The following KALRN variants were observed in gnomAD, a reference collection of about 807,000 sequenced individuals.
KALRN encodes the protein kalirin.
Under a neutral mutation model 353.7 loss-of-function variants are expected in KALRN, and 70 were observed. That is an observed-to-expected ratio of 0.20 (90% CI 0.16 to 0.24). KALRN has a LOEUF of 0.24. Among genes scored for constraint, KALRN ranks in the 10% least tolerant of loss-of-function variants. The pLI, the probability that KALRN is intolerant of heterozygous loss-of-function variation, is 1.00. For missense variants in KALRN, 2,791 were observed against 3,756.7 expected, an observed-to-expected ratio of 0.74 and a Z score of 6.72; for synonymous variants, 1,391 against 1,434.8, an observed-to-expected ratio of 0.97 and a Z score of 0.69.
intron 6 of KALRN, among the ~76,000 whole-genome samples, chr3:124,312,009 A>C (rs562098119): frequency 1.1e-4 from 17 of 152,354 alleles, no homozygotes; most frequent in African/African-American, 3.6e-4. Flanking sequence ...GAAGGGGTAT[A>C]AGAGAGTTAT....
chr3:124,329,488 C>T (rs58872187), intron 7 of KALRN, among the ~76,000 whole-genome samples: 3,249 of 152,314 alleles, frequency 0.021, 95 homozygotes, highest in African/African-American at 0.073. Context: ...CAGCCCCTCA[C>T]GTGTGCCTGT....
intron 1 of KALRN, among the ~76,000 whole-genome samples, chr3:124,149,380 C>T (rs935095953): frequency 6.6e-6 from 1 of 152,144 alleles, no homozygotes; most frequent in African/African-American, 2.4e-5. Flanking sequence ...CTCCCTGTAC[C>T]CCCCAGTGCC....
chr3:124,683,410 A>G (rs16835861), intron 51 of KALRN, among the ~76,000 whole-genome samples: 12,009 of 152,190 alleles, frequency 0.079, 969 homozygotes, highest in African/African-American at 0.2. Context: ...GAACTGTGTC[A>G]ATGCTCACTT....
intron 10 of KALRN, among the ~76,000 whole-genome samples, chr3:124,367,581 G>T (rs1475632031): frequency 1.8e-5 from 1 of 54,714 alleles, no homozygotes. Context: ...TCCCAGTAGG[G>T]GTGGCCAGGC....
In KALRN at chr3:124,696,906, T is replaced by C. The variant is rs544098027; in HGVS notation, c.7699+651T>C. Among the ~76,000 whole-genome samples, 3 of 152,268 alleles carry C rather than the reference T, an allele frequency of 2.0e-5. No individual in the cohort carries two copies. The East Asian group carries it at 5.8e-4, about 29-fold the overall frequency. ...ACCACTGCTCTACTTTCTGTCTCTA[T>C]CAATTTGTGTTACTCAAACTTTATT... On this transcript the variant is annotated intron_variant, in intron 54 of 59. Transcript: ENST00000682506.
intron 1 of KALRN, among the ~76,000 whole-genome samples, chr3:124,112,431 G>A (rs773393194): frequency 4.0e-4 from 61 of 152,178 alleles, no homozygotes; most frequent in Non-Finnish European, 7.8e-4. Flanking sequence ...GACCACAGAA[G>A]GCGAGGTATG....
At chr3:124,673,247 T>TA (rs1432107631) in intron 48 of KALRN, among the ~76,000 whole-genome samples, 1 of 143,392 alleles carries the variant, frequency 7.0e-6, no homozygotes, top group Non-Finnish European at 1.5e-5. Context: ...AAAAAAAAAT[T>TA]AGCCAGGCAC....
chr3:124,659,455 A>C lies in KALRN; in HGVS notation c.6214A>C (p.Lys2072Gln). ...AATAACAAAATACCAGTTGCTCCTC[A>C]AGGTAAGAAGCTGGGAGCCTGGGTG... The part of the protein sequence containing the change: ...QRITKYQLLL[K>Q]DFLRYSEKAG... The change falls in exon 43 of 60, where the codon AAG becomes CAG. Residue 2072 changes from lysine to glutamine, a missense_variant and splice_region_variant. By Grantham distance (53) the Lys-to-Gln change is moderately conservative. This residue lies in a region of KALRN where 1,065 missense variants were observed against 1,156.4 expected (regional missense o/e 0.92). Coordinates refer to ENST00000682506, the MANE Select transcript of KALRN (RefSeq NM_001388419.1). 6.2e-7 allele frequency: 1 copy of C among 1,606,500 alleles called. No individual in the cohort carries two copies. The highest frequency in any genetic ancestry group is 8.5e-7 in the Non-Finnish European group (1 of 1,173,150).
At chr3:124,310,207 G>GA (rs1367920763) in intron 6 of KALRN, among the ~76,000 whole-genome samples, 1 of 151,434 alleles carries the variant, frequency 6.6e-6, no homozygotes, top group East Asian at 1.9e-4. Flanking sequence ...TAAATTTAAT[G>GA]AAAAAAGTGT....
At chr3:124,063,849 A>C (rs910741900) in intron 1 of KALRN, among the ~76,000 whole-genome samples, 2 of 152,134 alleles carry the variant, frequency 1.3e-5, no homozygotes, top group Non-Finnish European at 2.9e-5. Context: ...GCTAGTAGGG[A>C]TCAGAAAGGC....
chr3:124,252,951 C>T (rs919518346), intron 3 of KALRN, among the ~76,000 whole-genome samples: 2 of 152,226 alleles, frequency 1.3e-5, no homozygotes, highest in Admixed American at 6.5e-5. Context: ...TAGAGAGCGG[C>T]TCATTCTCTG....
At chr3:124,136,181 G>T (rs1308029032) in intron 1 of KALRN, among the ~76,000 whole-genome samples, 1 of 150,298 alleles carries the variant, frequency 6.7e-6, no homozygotes, top group East Asian at 2.0e-4. Context: ...GCTAAGAACT[G>T]ATAGTTTAGA....
rs140733996 is a variant in KALRN, at chr3:124,562,122, C to T, written c.4936-721C>T. Among the ~76,000 whole-genome samples, 78 of 152,302 alleles carry T rather than the reference C, an allele frequency of 5.1e-4. No homozygotes were observed. In the East Asian group the frequency reaches 0.014, roughly 26 times the overall value. On this transcript the variant is annotated intron_variant, in intron 33 of 59. Transcript: ENST00000682506. ...TCCTAAGTAAGAAGTGGCCCGTCTT[C>T]CCTTCTGATTCTTCCTCCTGGTCCC...
chr3:124,257,037 C>T (rs536951220), intron 3 of KALRN, among the ~76,000 whole-genome samples: 2 of 152,192 alleles, frequency 1.3e-5, no homozygotes, highest in Non-Finnish European at 2.9e-5. Context: ...CAAGCCTATT[C>T]TTGCAATAAA....
intron 10 of KALRN, chr3:124,374,279 T>C (rs891166660): frequency 6.6e-6 from 1 of 152,290 alleles, no homozygotes; most frequent in Admixed American, 6.5e-5. Flanking sequence ...ACTTCTGTTA[T>C]GTATAAGCCA....
chr3:124,464,828 C>T (rs1275800256), intron 25 of KALRN, among the ~76,000 whole-genome samples: 1 of 75,438 alleles, frequency 1.3e-5, no homozygotes, highest in African/African-American at 5.5e-5. Flanking sequence ...CTAAAGAAGA[C>T]AAACTGCAAA....
intron 33 of KALRN, among the ~76,000 whole-genome samples, chr3:124,521,560 G>T (rs2067161959): frequency 6.6e-6 from 1 of 152,122 alleles, no homozygotes; most frequent in African/African-American, 2.4e-5. Flanking sequence ...ATCCATAATA[G>T]ACTGCCCCCA....
chr3:124,589,453 T>G lies in KALRN; in HGVS notation c.5182+26364T>G, dbSNP rs1314647036. Among the ~76,000 whole-genome samples, 10 of 152,078 alleles carry G rather than the reference T, an allele frequency of 6.6e-5. No homozygotes were observed. The East Asian group carries it at 1.9e-3, about 29-fold the overall frequency. ...TCTACAAATTAAAATATTAGCTGGGTGTAGTGACATGCACCTGTAGTCCCA... is the reference window on the plus strand; with the variant it reads ...TCTACAAATTAAAATATTAGCTGGGGGTAGTGACATGCACCTGTAGTCCCA... On this transcript the variant is annotated intron_variant, in intron 34 of 59. Transcript: ENST00000682506.
At chr3:124,690,902 G>C (rs937715221) in intron 51 of KALRN, among the ~76,000 whole-genome samples, 3 of 152,194 alleles carry the variant, frequency 2.0e-5, no homozygotes, top group Non-Finnish European at 2.9e-5. Context: ...AGAGACACTG[G>C]AAAGAAAGAT....
Sources: allele counts gnomAD v4.1 joint callset (sites outside exome capture counted in the v4.1 genomes callset), GRCh38; gene constraint gnomAD v4.1.1; regional missense constraint gnomAD v4.1.1; transcripts MANE v1.5; gene names NCBI Gene and HGNC (gene_info 2026-07-23, HGNC 2026-07-21).